The following KMT2D variants were observed in gnomAD, a reference collection of about 807,000 sequenced individuals.
KMT2D encodes histone-lysine N-methyltransferase 2D.
Under a neutral mutation model 512.7 loss-of-function variants are expected in KMT2D, and 55 were observed. The observed-to-expected ratio is 0.11, with a 90% CI of 0.09 to 0.13. The LOEUF is 0.13. KMT2D is among the 10% of genes least tolerant of loss of function. The probability of loss-of-function intolerance (pLI) is 1.00; values close to 1 mark genes in which losing one functional copy is unlikely to be tolerated. For missense variants in KMT2D, 6,061 were observed against 7,127.9 expected (o/e 0.85, Z 5.39); for synonymous variants, 2,995 against 2,904.0 (o/e 1.03, Z -1.01).
chr12:49,031,566 G>A lies in KMT2D; in HGVS notation c.13139C>T (p.Pro4380Leu), dbSNP rs771853264. ...CTTCTGGGTTTCTGCTAGGTTGTCT[G>A]GGGGATCCCAAGGTCCCAGACCCTT... ...FSKGLGPWDP[P>L]DNLAETQKPE... The change falls in exon 40 of 55, where the codon CCA becomes CTA. Residue 4380 changes from proline (P) to leucine (L), a missense_variant. By Grantham distance (98) the Pro-to-Leu change is moderately conservative. Around this residue, in one of 16 missense-constraint regions of KMT2D, gnomAD observed 1,600 missense variants for 1,754.9 expected, o/e 0.91. Coordinates refer to ENST00000301067, the MANE Select transcript of KMT2D (RefSeq NM_003482.4). The A allele has an allele frequency of 3.2e-5, 52 of 1,601,290 alleles. No individual in the cohort carries two copies. The Middle Eastern group carries it at 6.6e-4, about 20-fold the overall frequency.
chr12:49,035,158 G>A (rs985703652), intron 35 of KMT2D, among the ~76,000 whole-genome samples: 7 of 152,146 alleles, frequency 4.6e-5, no homozygotes, highest in Admixed American at 1.3e-4. Context: ...AAGGGGCTCC[G>A]TAAATATTTG....
Position 49,026,254 on chromosome 12 carries a change from G to C in KMT2D, c.15712C>G (p.Arg5238Gly). Residue 5238 changes from arginine to glycine, a missense_variant, in exon 49 of 55, where the codon CGG (arginine) becomes GGG (glycine). By Grantham distance (125) the Arg-to-Gly change is moderately radical. Coordinates refer to ENST00000301067, the MANE Select transcript of KMT2D (RefSeq NM_003482.4). This position sits in a 1 kb window ranked among gnomAD's most constrained non-coding sequence, Gnocchi z 9.6. ...ATGACTTTGATTACAAACTCCGGCC[G>C]CCCGTTGTTCTCACCAATAGAACAG... ...YRCSIGENNG[R>G]PEFVIKVIEQ... 6.2e-7 allele frequency: 1 copy of C among 1,604,902 alleles called. No individual in the cohort carries two copies. The highest frequency in any genetic ancestry group is 8.5e-7 in the Non-Finnish European group (1 of 1,172,220).
rs2120388795 is a variant in KMT2D, at chr12:49,028,971, G to A, written c.14252-13C>T. 6.2e-7 allele frequency: 1 copy of A among 1,613,498 alleles called. No individual in the cohort carries two copies. ...GTATCTGGGAAGACTGAATGAGAAA[G>A]AGGAATTTGTGTAACACTTGGCCGC... On this transcript the variant is annotated splice_polypyrimidine_tract_variant and intron_variant, in intron 45 of 54. Transcript: ENST00000301067.
rs1164376137 is a variant in KMT2D, at chr12:49,026,875, G to A, written c.15091C>T (p.Arg5031Cys). ...CCCTCCTCATGACAGAAACAGCAGC[G>A]ACGCATGTCTCGCGGTACCTTGTCA... ...RPDKVPRDMR[R>C]CCFCHEEGDG... is the part of the protein sequence containing the mutation. Residue 5031 changes from arginine to cysteine, a missense_variant, in exon 49 of 55, where the codon CGC becomes TGC. By Grantham distance (180) the Arg-to-Cys change is radical. Around this residue, in one of 16 missense-constraint regions of KMT2D, gnomAD observed 1,600 missense variants for 1,754.9 expected, o/e 0.91. Coordinates refer to ENST00000301067, the MANE Select transcript of KMT2D (RefSeq NM_003482.4). This position sits in a 1 kb window ranked among gnomAD's most constrained non-coding sequence, Gnocchi z 9.6. 1.9e-6 allele frequency: 3 copies of A among 1,613,966 alleles called. No homozygotes were observed. Among genetic ancestry groups the A allele is most frequent in the East Asian group, 2.2e-5 (1 of 44,878 alleles).
chr12:49,049,057 T>C lies in KMT2D; in HGVS notation c.4020+48A>G, dbSNP rs1483124140. The C allele has an allele frequency of 6.8e-6, 8 of 1,172,056 alleles. No individual in the cohort carries two copies. In the African/African-American group the frequency reaches 1.2e-4, roughly 18 times the overall value. 72.6% of individuals were successfully genotyped at this position (1,172,056 alleles called of 1,614,324 possible). The stretch of plus-strand genomic sequence containing the variant: ...CAAGGGACTGGCAGGACTCAGAGGG[T>C]GCTAAAGCATGGTTGGGGGATGGGA... On this transcript the variant is annotated intron_variant, in intron 13 of 54. Transcript: ENST00000301067.
chr12:49,019,281 G>A lies in KMT2D; in HGVS notation c.*2499C>T, dbSNP rs1160848515. ...ATTTTTTAAAAAGGGGGAGGGTCCT[G>A]GAGGTGAGGGGAGAAGACTGTAAAG... is the stretch of plus-strand genomic sequence containing the variant. On this transcript the variant is annotated 3_prime_UTR_variant, in exon 55 of 55. Coordinates refer to ENST00000301067, the MANE Select transcript of KMT2D (RefSeq NM_003482.4). 3.7e-6 allele frequency: 2 copies of A among 536,946 alleles called. No homozygotes were observed. Among genetic ancestry groups the A allele is most frequent in the African/African-American group, 2.0e-5 (1 of 49,428 alleles). 33.3% of individuals were successfully genotyped at this position (536,946 alleles called of 1,614,324 possible). A position where few individuals can be genotyped will look rare whatever the true frequency, so the allele number is the denominator to read the frequency against.
chr12:49,032,600 T>C lies in KMT2D; in HGVS notation c.12105A>G (p.Ser4035=), dbSNP rs1226143815. The change falls in exon 40 of 55, where the codon TCA becomes TCG. Residue 4035 remains serine (S), a synonymous_variant. Coordinates refer to ENST00000301067, the MANE Select transcript of KMT2D (RefSeq NM_003482.4). ...GTGTAGAGGGCCCCTCAGTGGCCTC[T>C]GAAGAAACGGCTGGGTCTACGGTGT... The part of the protein sequence containing the change: ...EQNTVDPAVS[S]EATEGPSTHQ... 3.1e-6 allele frequency: 5 copies of C among 1,613,862 alleles called. No individual in the cohort carries two copies. In the African/African-American group the frequency reaches 6.7e-5, roughly 22 times the overall value.
chr12:49,053,944 A>C (rs1457588604), intron 6 of KMT2D, 34 bp downstream of exon 6: 2 of 1,604,588 alleles, frequency 1.2e-6, no homozygotes. Flanking sequence ...TTGGTCTCTC[A>C]TTTGCCCTAT....
Position 49,027,683 on chromosome 12 carries a change from G to T in KMT2D, c.14643+120C>A, listed in dbSNP as rs2120375019. On this transcript the variant is annotated intron_variant, in intron 48 of 54. Coordinates refer to ENST00000301067, the MANE Select transcript of KMT2D (RefSeq NM_003482.4). Reference sequence around the variant, plus strand: ...TTGGCCAGGCTGGTCTCAAACTCCTGGCCTAAAGTGATTCACTCGCCTTGC... The same window carrying T: ...TTGGCCAGGCTGGTCTCAAACTCCTTGCCTAAAGTGATTCACTCGCCTTGC... 3.1e-6 allele frequency: 4 copies of T among 1,291,820 alleles called. No homozygotes were observed. The East Asian group carries it at 1.0e-4, about 33-fold the overall frequency. 80.0% of individuals were successfully genotyped at this position (1,291,820 alleles called of 1,614,324 possible). A position where few individuals can be genotyped will look rare whatever the true frequency, so the allele number is the denominator to read the frequency against.
In KMT2D at chr12:49,041,767, T is replaced by C; in HGVS notation, c.6184-62A>G. 4 of 1,558,932 alleles carry C rather than the reference T, an allele frequency of 2.6e-6. No homozygotes were observed. Among genetic ancestry groups the C allele is most frequent in the Non-Finnish European group, 1.7e-6 (2 of 1,146,544 alleles). ...TTGGTCTCATGCCCCGCCCCCATAC[T>C]GTAGTGTTTTCACACTCCCTACCCA... On this transcript the variant is annotated intron_variant, in intron 30 of 54. Transcript: ENST00000301067. This position sits in a 1 kb window ranked among gnomAD's most constrained non-coding sequence, Gnocchi z 5.4.
rs2120588096 is a variant in KMT2D at position 49,044,816 on chromosome 12, G to A, written c.4891C>T (p.Pro1631Ser). Residue 1631 changes from proline to serine, a missense_variant, in exon 20 of 55, where the codon CCC becomes TCC. This residue lies in a region of KMT2D where 640 missense variants were observed against 814.3 expected (regional missense o/e 0.79). Coordinates refer to ENST00000301067, the MANE Select transcript of KMT2D (RefSeq NM_003482.4). The surrounding 1 kb of genome is among the most constrained non-coding windows in gnomAD (Gnocchi z 6.4). ...PGEAGLEGSE[P>S]SDALGPDDKK... Reference sequence around the variant, plus strand: ...TCATCAGGGCCAAGGGCATCTGAGGGCTCAGAACCCTCCAATCCTGCCTCG... The same window carrying A: ...TCATCAGGGCCAAGGGCATCTGAGGACTCAGAACCCTCCAATCCTGCCTCG... 6.2e-7 allele frequency: 1 copy of A among 1,614,036 alleles called. No individual in the cohort carries two copies.
In KMT2D at chr12:49,028,105, G is replaced by A; in HGVS notation, c.14419C>T (p.Leu4807=). 2 of 1,613,846 alleles carry A rather than the reference G, an allele frequency of 1.2e-6. No homozygotes were observed. The highest frequency in any genetic ancestry group is 1.7e-6 in the Non-Finnish European group (2 of 1,179,844). ...TAGGAGTTGGGGATCTTCATGCTCAGCAGCTCCGCCACTGCCACCATCACG... is the reference window on the plus strand; with the variant it reads ...TAGGAGTTGGGGATCTTCATGCTCAACAGCTCCGCCACTGCCACCATCACG... ...NGVMVAVAEL[L]SMKIPNSYEV... The change falls in exon 47 of 55, where the codon CTG becomes TTG. Residue 4807 remains leucine, a synonymous_variant. Coordinates refer to ENST00000301067, the MANE Select transcript of KMT2D (RefSeq NM_003482.4).
rs1040284394 is a variant in KMT2D at position 49,032,858 on chromosome 12, T to C, written c.11847A>G (p.Gln3949=). The part of the protein sequence containing the change: ...QLQQQQQQQL[Q]QQQQQLQQQQ... ...GCTGTTGTAGCTGCTGTTGCTGCTG[T>C]TGAAGCTGTTGCTGCTGCTGTTGTT... Residue 3949 remains glutamine (Q), a synonymous_variant, in exon 40 of 55, where the codon CAA becomes CAG. Transcript: ENST00000301067. 15 of 1,549,688 alleles carry C rather than the reference T, an allele frequency of 9.7e-6. No homozygotes were observed. The highest frequency in any genetic ancestry group is 8.3e-5 in the South Asian group (7 of 83,984).
Position 49,026,834 on chromosome 12 carries a change from A to G in KMT2D, c.15132T>C (p.Asp5044=), listed in dbSNP as rs1942619118. The change falls in exon 49 of 55, where the codon GAT becomes GAC. Residue 5044 remains aspartate (D), a synonymous_variant. Transcript: ENST00000301067. The surrounding 1 kb of genome is among the most constrained non-coding windows in gnomAD (Gnocchi z 9.6). ...FCHEEGDGAT[D]GPARLLNLDL... is the part of the protein sequence containing the mutation. ...CCAGGTTCAGCAGACGGGCAGGCCCATCAGTGGCCCCGTCACCCTCCTCAT... is the reference window on the plus strand; with the variant it reads ...CCAGGTTCAGCAGACGGGCAGGCCCGTCAGTGGCCCCGTCACCCTCCTCAT... 1 of 1,613,626 alleles carries G rather than the reference A, an allele frequency of 6.2e-7. No individual in the cohort carries two copies. The highest frequency in any genetic ancestry group is 1.6e-4 in the Middle Eastern group (1 of 6,062).
rs1177637771 is a variant in KMT2D at position 49,054,730 on chromosome 12, A to G, written c.198T>C (p.Cys66=). The change falls in exon 4 of 55, where the codon TGT becomes TGC. Residue 66 remains cysteine, a synonymous_variant. Transcript: ENST00000301067. This position sits in a 1 kb window ranked among gnomAD's most constrained non-coding sequence, Gnocchi z 6.4. ...QDCSGGPVRR[C]ALCNCGEPSL... Reference sequence around the variant, plus strand: ...TGGGCTCCCCGCAGTTACAGAGAGCACAACGCCGCACCGGACCCCCACTGT... The same window carrying G: ...TGGGCTCCCCGCAGTTACAGAGAGCGCAACGCCGCACCGGACCCCCACTGT... 6.2e-7 allele frequency: 1 copy of G among 1,613,838 alleles called. No homozygotes were observed. Among genetic ancestry groups the G allele is most frequent in the Non-Finnish European group, 8.5e-7 (1 of 1,179,790 alleles).
rs2120685457 is a variant in KMT2D, at chr12:49,052,334, G to A, written c.1349C>T (p.Ser450Phe). The change falls in exon 11 of 55, where the codon TCC becomes TTC. Residue 450 changes from serine to phenylalanine, a missense_variant. Ser to Phe is a radical substitution (Grantham distance 155, BLOSUM62 -2). Coordinates refer to ENST00000301067, the MANE Select transcript of KMT2D (RefSeq NM_003482.4). The stretch of plus-strand genomic sequence containing the variant: ...CGTGGGTGATTCCTCAGGTGGTGGG[G>A]ACAGGGGTGACTCCTCAGGTGGGGG... ...LLPPPEESPL[S>F]PPPEESPTSP... 1 of 1,566,774 alleles carries A rather than the reference G, an allele frequency of 6.4e-7. No homozygotes were observed. The highest frequency in any genetic ancestry group is 8.7e-7 in the Non-Finnish European group (1 of 1,154,328).
intron 19 of KMT2D, among the ~76,000 whole-genome samples, 170 bp from the exon 20 acceptor site, chr12:49,045,135 TTC>T (rs931432531): frequency 1.6e-4 from 24 of 152,116 alleles, no homozygotes; most frequent in African/African-American, 5.6e-4. Flanking sequence ...GAGGCCCGAG[TTC>T]TCTGTCAGTG....
Position 49,033,650 on chromosome 12 carries a change from A to ATGTTGC in KMT2D, c.11049_11054dup (p.Gln3683_Gln3684dup), listed in dbSNP as rs1555188994. ...CAGCCAGGGATCCAGCCCCACCAGA[A>ATGTTGC]TGTTGCTGTTGCTGCTGTTGGGCCA... On this transcript the variant is annotated inframe_insertion, in exon 40 of 55. Transcript: ENST00000301067. 1.9e-6 allele frequency: 3 copies of ATGTTGC among 1,613,540 alleles called. No individual in the cohort carries two copies. The highest frequency in any genetic ancestry group is 1.7e-5 in the Admixed American group (1 of 59,998).
chr12:49,041,766 C>A lies in KMT2D; in HGVS notation c.6184-61G>T. 1 of 1,561,422 alleles carries A rather than the reference C, an allele frequency of 6.4e-7. No homozygotes were observed. Among genetic ancestry groups the A allele is most frequent in the Non-Finnish European group, 8.7e-7 (1 of 1,148,354 alleles). ...CTTGGTCTCATGCCCCGCCCCCATA[C>A]TGTAGTGTTTTCACACTCCCTACCC... On this transcript the variant is annotated intron_variant, in intron 30 of 54. Coordinates refer to ENST00000301067, the MANE Select transcript of KMT2D (RefSeq NM_003482.4). The surrounding 1 kb of genome is among the most constrained non-coding windows in gnomAD (Gnocchi z 5.4).
Sources: gnomAD v4.1 joint callset for allele counts (sites outside exome capture counted in the v4.1 genomes callset) on GRCh38, gnomAD v4.1.1 for gene constraint, gnomAD v4.1.1 regional missense constraint, Gnocchi (gnomAD v3.1) non-coding constraint, MANE v1.5 for transcripts, NCBI Gene and HGNC (gene_info 2026-07-23, HGNC 2026-07-21) for gene names.